The following MAN1A2 variants were observed in gnomAD, a reference collection of about 807,000 sequenced individuals.
The protein encoded by MAN1A2 is mannosyl-oligosaccharide 1,2-alpha-mannosidase IB.
In MAN1A2, 26 loss-of-function variants were observed where a neutral mutation model predicts 75.7. The ratio of observed to expected loss-of-function variants is 0.34; its 90% confidence interval spans 0.25 to 0.48. The LOEUF (loss-of-function observed/expected upper bound fraction) is 0.48, where lower values mean the gene tolerates loss of function less well. Ranked by LOEUF, MAN1A2 falls within the 20% of genes least tolerant of loss-of-function variation. The pLI is 0.99. For synonymous variants in MAN1A2, 247 were observed against 264.6 expected (o/e 0.93, Z 0.65); for missense variants, 562 against 775.5 (o/e 0.72, Z 3.27).
chr1:117,481,564 C>G (rs1410209293), intron 8 of MAN1A2, among the ~76,000 whole-genome samples: 1 of 151,908 alleles, frequency 6.6e-6, no homozygotes, highest in Non-Finnish European at 1.5e-5. Flanking sequence ...AGTGATTGTG[C>G]TTTTCTGGCT....
intron 8 of MAN1A2, among the ~76,000 whole-genome samples, chr1:117,471,295 G>C (rs943145791): frequency 3.3e-5 from 5 of 151,696 alleles, no homozygotes; most frequent in Non-Finnish European, 5.9e-5. Context: ...TTATTTAATA[G>C]AAAATTCATG....
chr1:117,485,206 A>G lies in MAN1A2; in HGVS notation c.1169-7941A>G, dbSNP rs549670598. 3.3e-5 allele frequency among the ~76,000 whole-genome samples: 5 copies of G among 152,042 alleles called. No homozygotes were observed. In the East Asian group the frequency reaches 9.7e-4, roughly 30 times the overall value. ...TGCTTTGGTTTTTATTCATGATAGG[A>G]CAAACAATGGGAGCAGATTATGAGA... On this transcript the variant is annotated intron_variant, in intron 8 of 12. Transcript: ENST00000356554.
chr1:117,369,889 G>T (rs941772720), intron 1 of MAN1A2, among the ~76,000 whole-genome samples: 1 of 152,064 alleles, frequency 6.6e-6, no homozygotes, highest in African/African-American at 2.4e-5. Context: ...ATGTGTTAAG[G>T]CTGTTTTTAG....
chr1:117,392,676 C>T (rs562360299), intron 1 of MAN1A2, among the ~76,000 whole-genome samples: 38 of 148,068 alleles, frequency 2.6e-4, no homozygotes, highest in East Asian at 1.8e-3. Flanking sequence ...TTACCATAAA[C>T]GCAAACTGAA....
At chr1:117,466,292 A>G (rs1649979812) in intron 7 of MAN1A2, 42 bp from the exon 8 acceptor site, 1 of 1,296,530 alleles carries the variant, frequency 7.7e-7, no homozygotes, top group Non-Finnish European at 1.1e-6. Context: ...CCTTGATGAC[A>G]CTTATTTTTA....
At chr1:117,483,173 G>A (rs1350617182) in intron 8 of MAN1A2, among the ~76,000 whole-genome samples, 1 of 152,110 alleles carries the variant, frequency 6.6e-6, no homozygotes, top group Non-Finnish European at 1.5e-5. Flanking sequence ...CAGGTAGCGT[G>A]ATGTCTCCAA....
At chr1:117,521,143 C>T (rs1302640975) in intron 12 of MAN1A2, among the ~76,000 whole-genome samples, 4 of 152,040 alleles carry the variant, frequency 2.6e-5, no homozygotes, top group Non-Finnish European at 5.9e-5. Flanking sequence ...CCTCATCTTT[C>T]ATCTTACACG....
At position 117,525,584 on chromosome 1, in the gene MAN1A2, T is replaced by C. The variant is rs1258846757; in HGVS notation, c.*2627T>C. The C allele has an allele frequency of 3.2e-5, 5 of 155,112 alleles. No homozygotes were observed. Among genetic ancestry groups the C allele is most frequent in the African/African-American group, 1.2e-4 (5 of 41,456 alleles). The allele number at this position is 155,112 out of a possible 1,614,324, so 9.6% of individuals were successfully genotyped here. ...CTTTTCAGGTGCCTCTTCAAAGAGCTGACACCTTACCTTGTGCCTTTGGCA... is the reference window on the plus strand; with the variant it reads ...CTTTTCAGGTGCCTCTTCAAAGAGCCGACACCTTACCTTGTGCCTTTGGCA... On this transcript the variant is annotated 3_prime_UTR_variant, in exon 13 of 13. Coordinates refer to ENST00000356554, the MANE Select transcript of MAN1A2 (RefSeq NM_006699.5).
chr1:117,430,202 CG>C (rs1444488113), intron 5 of MAN1A2, among the ~76,000 whole-genome samples: 1 of 75,712 alleles, frequency 1.3e-5, no homozygotes, highest in Non-Finnish European at 2.8e-5. Context: ...GCTGGCCGGG[CG>C]GGGGGCTGAC....
intron 8 of MAN1A2, among the ~76,000 whole-genome samples, chr1:117,469,428 G>A (rs1396843109): frequency 6.6e-6 from 1 of 151,906 alleles, no homozygotes; most frequent in African/African-American, 2.4e-5. Context: ...GACACCAAAG[G>A]CACAGGTAAC....
intron 3 of MAN1A2, among the ~76,000 whole-genome samples, chr1:117,405,962 A>G (rs929206518): frequency 6.6e-6 from 1 of 152,148 alleles, no homozygotes; most frequent in African/African-American, 2.4e-5. Flanking sequence ...CTTCAACACA[A>G]TACCTATTCT....
chr1:117,497,634 A>G (rs908133807), intron 10 of MAN1A2, among the ~76,000 whole-genome samples: 1 of 151,940 alleles, frequency 6.6e-6, no homozygotes, highest in African/African-American at 2.4e-5. Context: ...AGATATACAT[A>G]TAGTCATAAA....
intron 12 of MAN1A2, among the ~76,000 whole-genome samples, chr1:117,513,425 A>G (rs1258587046): frequency 6.6e-6 from 1 of 151,970 alleles, no homozygotes; most frequent in Non-Finnish European, 1.5e-5. Context: ...ATTCCTTTCT[A>G]TTGATGAGTA....
rs1418822916 is a variant in MAN1A2 at position 117,527,853 on chromosome 1, T to C, written c.*4896T>C. The C allele has an allele frequency of 3.9e-5, 6 of 152,024 alleles. No homozygotes were observed. In the East Asian group the frequency reaches 1.2e-3, roughly 29 times the overall value. The allele number at this position is 152,024 out of a possible 1,614,324, so 9.4% of individuals were successfully genotyped here. ...TCTTTGTGCTGCAGAAAGCAAACTT[T>C]TGAAGAATTCTAAGCAACAGAAAAT... is the stretch of plus-strand genomic sequence containing the variant. On this transcript the variant is annotated 3_prime_UTR_variant, in exon 13 of 13. Coordinates refer to ENST00000356554, the MANE Select transcript of MAN1A2 (RefSeq NM_006699.5).
chr1:117,429,783 A>C (rs1446084049), intron 5 of MAN1A2, among the ~76,000 whole-genome samples: 2 of 92,616 alleles, frequency 2.2e-5, no homozygotes, highest in Non-Finnish European at 4.4e-5. Flanking sequence ...TCCCTCCCGG[A>C]CGGGGCGGCT....
chr1:117,411,110 A>G (rs931064219), intron 3 of MAN1A2, among the ~76,000 whole-genome samples: 1 of 151,806 alleles, frequency 6.6e-6, no homozygotes, highest in Non-Finnish European at 1.5e-5. Flanking sequence ...TCTAAAATCT[A>G]TGAAAATACA....
intron 12 of MAN1A2, among the ~76,000 whole-genome samples, chr1:117,505,924 T>C (rs950080911): frequency 1.1e-4 from 17 of 151,474 alleles, no homozygotes; most frequent in Admixed American, 2.6e-4. Flanking sequence ...ATGGTAATGG[T>C]AAATATTTTG....
chr1:117,488,939 A>T (rs575737588), intron 8 of MAN1A2, among the ~76,000 whole-genome samples: 3 of 152,210 alleles, frequency 2.0e-5, no homozygotes, highest in Non-Finnish European at 1.5e-5. Context: ...CAGGAGTTTG[A>T]GATCAAATCT....
intron 10 of MAN1A2, 78 bp downstream of exon 10, chr1:117,497,060 A>C (rs2101877168): frequency 8.7e-7 from 1 of 1,150,188 alleles, no homozygotes; most frequent in East Asian, 2.6e-5. Flanking sequence ...TAAGAAGGAG[A>C]ATATATAGGC....
Sources: allele counts gnomAD v4.1 joint callset (sites outside exome capture counted in the v4.1 genomes callset), GRCh38; gene constraint gnomAD v4.1.1; transcripts MANE v1.5; gene names NCBI Gene and HGNC (gene_info 2026-07-23, HGNC 2026-07-21).